The following FSTL5 variants were observed in gnomAD, a reference collection of about 807,000 sequenced individuals.
The protein encoded by FSTL5 is follistatin like 5, also known as follistatin-related protein 5.
FSTL5 carries 62 observed loss-of-function variants against 89.1 expected under a neutral mutation model. The observed-to-expected ratio is 0.70, with a 90% confidence interval of 0.57 to 0.86. The LOEUF is 0.86. FSTL5 is among the 40% of genes least tolerant of loss of function. The pLI is 0.00. For missense variants in FSTL5, 1,057 were observed against 1,001.6 expected, an observed-to-expected ratio of 1.06 and a Z score of -0.75; for synonymous variants, 383 against 346.2, an observed-to-expected ratio of 1.11 and a Z score of -1.18.
intron 7 of FSTL5, among the ~76,000 whole-genome samples, chr4:161,631,058 T>C (rs1735487026): frequency 6.6e-6 from 1 of 152,236 alleles, no homozygotes; most frequent in Non-Finnish European, 1.5e-5. Context: ...ATTGATTCAA[T>C]GTACCTGGCA....
intron 2 of FSTL5, among the ~76,000 whole-genome samples, chr4:162,083,058 T>C (rs1366199038): frequency 6.6e-6 from 1 of 151,706 alleles, no homozygotes. Flanking sequence ...TATTTAGTGC[T>C]TACTCAATGG....
chr4:161,579,624 G>A (rs1459813941), intron 8 of FSTL5, among the ~76,000 whole-genome samples: 1 of 151,900 alleles, frequency 6.6e-6, no homozygotes, highest in Non-Finnish European at 1.5e-5. Context: ...GGCTGAAACA[G>A]GAGAATTGCT....
At position 161,538,122 on chromosome 4, in the gene FSTL5, G is replaced by A. The variant is rs146870273; in HGVS notation, c.1312+44C>T. On this transcript the variant is annotated intron_variant, in intron 10 of 15. Transcript: ENST00000306100. ...TTTAAAAAAAGCTGTAAAAAAGTAC[G>A]TTGAATATGGTGTGTGTGTGCTGTT... 237 of 1,589,420 alleles carry A rather than the reference G, an allele frequency of 1.5e-4. 2 individuals carry two copies. In the African/African-American group the frequency reaches 2.4e-3, roughly 16 times the overall value.
At chr4:161,475,907 G>A (rs1365035177) in intron 13 of FSTL5, among the ~76,000 whole-genome samples, 1 of 151,756 alleles carries the variant, frequency 6.6e-6, no homozygotes, top group Admixed American at 6.6e-5. Flanking sequence ...CCACCACCAC[G>A]CCCAGCTAAT....
At chr4:161,554,951 C>G (rs980250004) in intron 8 of FSTL5, among the ~76,000 whole-genome samples, 2 of 151,606 alleles carry the variant, frequency 1.3e-5, no homozygotes, top group Non-Finnish European at 3.0e-5. Flanking sequence ...ATTATTAAAG[C>G]CATCAATTTC....
At chr4:162,048,743 A>G (rs1738287416) in intron 2 of FSTL5, among the ~76,000 whole-genome samples, 2 of 152,194 alleles carry the variant, frequency 1.3e-5, no homozygotes, top group South Asian at 4.1e-4. Context: ...AAGAAATAAT[A>G]ATAAATGATG....
chr4:161,904,995 C>G (rs2110807626), intron 4 of FSTL5, among the ~76,000 whole-genome samples: 1 of 151,536 alleles, frequency 6.6e-6, no homozygotes, highest in South Asian at 2.1e-4. Context: ...TATTATTATC[C>G]ACCTATCATA....
intron 7 of FSTL5, among the ~76,000 whole-genome samples, chr4:161,609,617 T>TG (rs1287184472): frequency 8.6e-5 from 13 of 151,984 alleles, no homozygotes; most frequent in Middle Eastern, 3.4e-3. Flanking sequence ...ATGAATGGTC[T>TG]AAATTTTTTT....
At chr4:161,787,098 TTAAG>T (rs1741932003) in intron 4 of FSTL5, among the ~76,000 whole-genome samples, 1 of 152,086 alleles carries the variant, frequency 6.6e-6, no homozygotes, top group Non-Finnish European at 1.5e-5. Context: ...ATTTTCTACT[TTAAG>T]TGACTGTGAT....
chr4:161,578,886 A>G (rs976193782), intron 8 of FSTL5, among the ~76,000 whole-genome samples: 14 of 152,162 alleles, frequency 9.2e-5, no homozygotes, highest in Admixed American at 9.2e-4. Context: ...CAACAGAAAT[A>G]TTATTTAATT....
chr4:161,928,718 T>A (rs980020829), intron 3 of FSTL5, among the ~76,000 whole-genome samples: 6 of 151,826 alleles, frequency 4.0e-5, no homozygotes, highest in African/African-American at 1.4e-4. Context: ...TTGCAAATCA[T>A]CTTCAGTGAG....
chr4:161,522,669 T>C lies in FSTL5; in HGVS notation c.1313-12245A>G, dbSNP rs573893340. ...TCAGATTTTTATAAAATTATAGATA[T>C]TATGTTCTTGGAGAATCTTTTTCAA... On this transcript the variant is annotated intron_variant, in intron 10 of 15. Transcript: ENST00000306100. Among the ~76,000 whole-genome samples, 4 of 151,692 alleles carry C rather than the reference T, an allele frequency of 2.6e-5. No individual in the cohort carries two copies. In the East Asian group the frequency reaches 7.7e-4, roughly 29 times the overall value.
intron 7 of FSTL5, among the ~76,000 whole-genome samples, chr4:161,620,201 AG>A (rs1735070850): frequency 1.5e-5 from 1 of 66,932 alleles, no homozygotes; most frequent in Admixed American, 2.5e-4. Context: ...GGGTGGGGGG[AG>A]GGGGGAGGGA....
At chr4:161,992,952 CT>C (rs1560957840) in intron 3 of FSTL5, among the ~76,000 whole-genome samples, 24 of 7,430 alleles carry the variant, frequency 3.2e-3, no homozygotes, top group Non-Finnish European at 5.1e-3. Context: ...GTGTGTATAT[CT>C]ATATATATAT....
intron 12 of FSTL5, among the ~76,000 whole-genome samples, chr4:161,489,482 TAATTGCA>T (rs1331186886): frequency 6.6e-6 from 1 of 152,216 alleles, no homozygotes; most frequent in Non-Finnish European, 1.5e-5. Context: ...TGTATATCAG[TAATTGCA>T]AATTGTATGA....
chr4:161,677,852 C>A (rs1366599070), intron 6 of FSTL5, among the ~76,000 whole-genome samples: 1 of 151,798 alleles, frequency 6.6e-6, no homozygotes, highest in Non-Finnish European at 1.5e-5. Flanking sequence ...AACACCTCCC[C>A]AGTCTCACCA....
chr4:161,637,894 G>T (rs1172553264), intron 7 of FSTL5, among the ~76,000 whole-genome samples: 1 of 135,370 alleles, frequency 7.4e-6, no homozygotes, highest in Non-Finnish European at 1.6e-5. Context: ...AAGTCAGGTA[G>T]TGTGATGCCT....
intron 4 of FSTL5, among the ~76,000 whole-genome samples, chr4:161,808,925 A>C (rs1349415945): frequency 6.6e-6 from 1 of 152,200 alleles, no homozygotes; most frequent in Non-Finnish European, 1.5e-5. Context: ...TCATTAAAGA[A>C]ACGTAAATCA....
chr4:161,597,042 C>G (rs1734039665), intron 7 of FSTL5, among the ~76,000 whole-genome samples: 2 of 152,018 alleles, frequency 1.3e-5, no homozygotes, highest in South Asian at 4.1e-4. Flanking sequence ...TCATTAGATC[C>G]CATTTGTCAA....
Sources: gnomAD v4.1 joint callset for allele counts (sites outside exome capture counted in the v4.1 genomes callset) on GRCh38, gnomAD v4.1.1 for gene constraint, MANE v1.5 for transcripts, NCBI Gene and HGNC (gene_info 2026-07-23, HGNC 2026-07-21) for gene names.